Variants in ADAM18 observed in about 807,000 individuals in gnomAD.
ADAM18 encodes disintegrin and metalloproteinase domain-containing protein 18.
In ADAM18, 117 loss-of-function variants were observed where a neutral mutation model predicts 94.4. The ratio of observed to expected loss-of-function variants is 1.24; its 90% CI spans 1.07 to 1.45. The LOEUF (loss-of-function observed/expected upper bound fraction) is 1.45. Among genes scored for constraint, ADAM18 ranks in the 40% most tolerant of loss-of-function variants. ADAM18 has a pLI of 0.00. For synonymous variants in ADAM18, 327 were observed against 291.6 expected, an observed-to-expected ratio of 1.12 and a Z score of -1.24; for missense variants, 936 against 880.0, an observed-to-expected ratio of 1.06 and a Z score of -0.81.
chr8:39,728,159 G>C (rs1822973781), intron 19 of ADAM18, among the ~76,000 whole-genome samples: 1 of 152,072 alleles, frequency 6.6e-6, no homozygotes. Flanking sequence ...AACCATGGGA[G>C]ATTCACCCCA....
At chr8:39,649,015 T>C (rs1210897977) in intron 12 of ADAM18, among the ~76,000 whole-genome samples, 1 of 152,162 alleles carries the variant, frequency 6.6e-6, no homozygotes, top group African/African-American at 2.4e-5. Flanking sequence ...AAAATATATG[T>C]ATATACCCGA....
chr8:39,638,967 G>A (rs1232795936), intron 10 of ADAM18, among the ~76,000 whole-genome samples: 1 of 151,706 alleles, frequency 6.6e-6, no homozygotes, highest in Non-Finnish European at 1.5e-5. Flanking sequence ...AATATATATT[G>A]TTTTTAGATA....
chr8:39,728,688 GTTA>G (rs888780195), intron 19 of ADAM18, among the ~76,000 whole-genome samples: 4 of 152,112 alleles, frequency 2.6e-5, no homozygotes, highest in African/African-American at 7.2e-5. Flanking sequence ...ATTTTTTTAT[GTTA>G]TTATTGTTTG....
chr8:39,609,673 A>G (rs1347926864), intron 5 of ADAM18, 112 bp downstream of exon 5: 1 of 700,140 alleles, frequency 1.4e-6, no homozygotes, highest in Non-Finnish European at 2.3e-6. Context: ...ATCAAAATGG[A>G]AAGTTTTCTT....
chr8:39,667,709 TTAATC>T (rs1257719408), intron 13 of ADAM18, among the ~76,000 whole-genome samples: 1 of 152,166 alleles, frequency 6.6e-6, no homozygotes. Flanking sequence ...ACAGGTATGT[TTAATC>T]TAATGCTGTT....
chr8:39,666,836 G>A (rs1821003472), intron 13 of ADAM18, among the ~76,000 whole-genome samples: 2 of 152,140 alleles, frequency 1.3e-5, no homozygotes, highest in African/African-American at 4.8e-5. Flanking sequence ...GATTAGATTT[G>A]GGTGGGGACA....
intron 6 of ADAM18, among the ~76,000 whole-genome samples, chr8:39,618,331 G>A (rs1819508593): frequency 6.6e-6 from 1 of 152,128 alleles, no homozygotes; most frequent in African/African-American, 2.4e-5. Context: ...GTTTAGTAAG[G>A]GTGGGGGTAG....
intron 17 of ADAM18, among the ~76,000 whole-genome samples, chr8:39,700,041 G>T (rs1329077270): frequency 6.6e-6 from 1 of 152,084 alleles, no homozygotes; most frequent in African/African-American, 2.4e-5. Context: ...GGACTGAATT[G>T]GCCAGAATAT....
At chr8:39,690,365 G>A (rs145738186) in intron 16 of ADAM18, among the ~76,000 whole-genome samples, 1 of 152,190 alleles carries the variant, frequency 6.6e-6, no homozygotes, top group East Asian at 1.9e-4. Context: ...TGGGCAGTAG[G>A]GGTGCTCTGT....
rs146442622 is a variant in ADAM18, at chr8:39,681,248, G to T, written c.1821+1022G>T. Among the ~76,000 whole-genome samples, 6 of 152,278 alleles carry T rather than the reference G, an allele frequency of 3.9e-5. No homozygotes were observed. In the East Asian group the frequency reaches 1.2e-3, roughly 29 times the overall value. On this transcript the variant is annotated intron_variant, in intron 16 of 19. Coordinates refer to ENST00000265707, the MANE Select transcript of ADAM18 (RefSeq NM_014237.3). ...GCTGCCTTCAGGGAAAATCCTACAA[G>T]GAAAGCAATTGTGGGACAGTGAAAA...
At chr8:39,604,824 C>T (rs1223977623) in intron 2 of ADAM18, 1 of 152,228 alleles carries the variant, frequency 6.6e-6, no homozygotes, top group South Asian at 2.1e-4. Flanking sequence ...ATACAACACA[C>T]TTTATGGTTT....
chr8:39,632,606 A>G (rs894331730), intron 7 of ADAM18, among the ~76,000 whole-genome samples: 5 of 152,134 alleles, frequency 3.3e-5, no homozygotes, highest in South Asian at 2.1e-4. Flanking sequence ...AAATAATGGT[A>G]TGCTATATTC....
At chr8:39,593,473 T>G (rs567649639) in intron 2 of ADAM18, among the ~76,000 whole-genome samples, 1 of 152,274 alleles carries the variant, frequency 6.6e-6, no homozygotes, top group Non-Finnish European at 1.5e-5. Context: ...GGCATCATAC[T>G]TCCTGATTTA....
At chr8:39,722,613 A>G (rs1440013338) in intron 18 of ADAM18, among the ~76,000 whole-genome samples, 1 of 151,536 alleles carries the variant, frequency 6.6e-6, no homozygotes, top group Non-Finnish European at 1.5e-5. Context: ...CTAAAAGCCT[A>G]GACTTCACCA....
intron 18 of ADAM18, among the ~76,000 whole-genome samples, chr8:39,709,613 A>G (rs1822340702): frequency 6.6e-6 from 1 of 152,134 alleles, no homozygotes. Context: ...TCATTCATTC[A>G]TACATTCCCT....
At chr8:39,695,671 G>A (rs1231561369) in intron 17 of ADAM18, among the ~76,000 whole-genome samples, 1 of 150,798 alleles carries the variant, frequency 6.6e-6, no homozygotes, top group Admixed American at 6.6e-5. Context: ...TCATATAATT[G>A]GTATTATACA....
intron 14 of ADAM18, 94 bp from the exon 15 acceptor site, chr8:39,677,337 G>C: frequency 1.0e-6 from 1 of 980,194 alleles, no homozygotes; most frequent in Non-Finnish European, 1.5e-6. Context: ...ACAAGTACAT[G>C]ATCTTTTTGA....
At chr8:39,595,823 C>A (rs1818726617) in intron 2 of ADAM18, among the ~76,000 whole-genome samples, 1 of 152,186 alleles carries the variant, frequency 6.6e-6, no homozygotes, top group Non-Finnish European at 1.5e-5. Context: ...CATGCCCGGC[C>A]TGAACTAGTT....
At chr8:39,703,003 T>C (rs1229779280) in intron 17 of ADAM18, among the ~76,000 whole-genome samples, 1 of 152,210 alleles carries the variant, frequency 6.6e-6, no homozygotes, top group Admixed American at 6.5e-5. Flanking sequence ...AAAATAGTTT[T>C]CTCTAGTTCT....
Sources: gnomAD v4.1 joint callset for allele counts (sites outside exome capture counted in the v4.1 genomes callset) on GRCh38, gnomAD v4.1.1 for gene constraint, MANE v1.5 for transcripts, NCBI Gene and HGNC (gene_info 2026-07-23, HGNC 2026-07-21) for gene names.